CLPTM1: variants seen among roughly 807,000 people sequenced by gnomAD.
The protein encoded by CLPTM1 is putative lipid scramblase CLPTM1.
Under a neutral mutation model 77.3 loss-of-function variants are expected in CLPTM1, and 21 were observed. The observed-to-expected ratio is 0.27, with a 90% CI of 0.19 to 0.39. CLPTM1 has a LOEUF of 0.39. Ranked by LOEUF, CLPTM1 falls within the 10% of genes least tolerant of loss-of-function variation. CLPTM1 has a pLI of 1.00. For synonymous variants in CLPTM1, 373 were observed against 381.0 expected (o/e 0.98, Z 0.24); for missense variants, 642 against 921.2 (o/e 0.70, Z 3.92).
chr19:44,969,259 CTGT>C (rs1000419917), intron 2 of CLPTM1, among the ~76,000 whole-genome samples: 31 of 152,284 alleles, frequency 2.0e-4, no homozygotes, highest in African/African-American at 7.2e-4. Context: ...AGAGTAGGCA[CTGT>C]TATTATCCCC....
rs1970747322 is a variant in CLPTM1, at chr19:44,973,111, C to T, written c.210C>T (p.Ser70=). The change falls in exon 3 of 14, where the codon AGC becomes AGT. Residue 70 remains serine, a synonymous_variant. Coordinates refer to ENST00000337392, the MANE Select transcript of CLPTM1 (RefSeq NM_001294.4). ...GGATCTTCATCATCTGGGCCATCAG[C>T]AGTTGGTTCCGCCGAGGGCCGGCCC... ...LFRIFIIWAI[S]SWFRRGPAPQ... is the part of the protein sequence containing the mutation. 6.2e-7 allele frequency: 1 copy of T among 1,613,856 alleles called. No individual in the cohort carries two copies. The highest frequency in any genetic ancestry group is 1.7e-5 in the Admixed American group (1 of 59,998).
rs776754271 is a variant in CLPTM1, at chr19:44,990,881, TC to T, written c.1360del (p.Arg454AlafsTer63). ...LDREHRVAGI[F>X]PRLSFKDKST... ...CGAGAGCACAGGGTGGCAGGAATCT[TC>T]CCCCGCCTATCCTTCAAGGACAAGT... On this transcript the variant is annotated frameshift_variant, in exon 11 of 14. Coordinates refer to ENST00000337392, the MANE Select transcript of CLPTM1 (RefSeq NM_001294.4). LOFTEE classifies it high-confidence loss of function. This position sits in a 1 kb window ranked among gnomAD's most constrained non-coding sequence, Gnocchi z 4.8. The T allele has an allele frequency of 6.2e-7, 1 of 1,613,746 alleles. No homozygotes were observed.
intron 4 of CLPTM1, among the ~76,000 whole-genome samples, chr19:44,976,802 A>G (rs1600030464): frequency 6.6e-6 from 1 of 152,140 alleles, no homozygotes; most frequent in East Asian, 1.9e-4. Flanking sequence ...GCCACACACT[A>G]TGTGACCCCT....
chr19:44,990,352 C>T lies in CLPTM1; in HGVS notation c.1133-43C>T, dbSNP rs1235135297. Reference sequence around the variant, plus strand: ...TGAGGGAGCTGCAGTAGGGTCTCAGCACCTCCTCAGCCTCCTGGTTCCCCC... The same window carrying T: ...TGAGGGAGCTGCAGTAGGGTCTCAGTACCTCCTCAGCCTCCTGGTTCCCCC... On this transcript the variant is annotated intron_variant, in intron 9 of 13. Coordinates refer to ENST00000337392, the MANE Select transcript of CLPTM1 (RefSeq NM_001294.4). This position sits in a 1 kb window ranked among gnomAD's most constrained non-coding sequence, Gnocchi z 4.8. The T allele has an allele frequency of 1.3e-6, 2 of 1,596,120 alleles. No individual in the cohort carries two copies. Among genetic ancestry groups the T allele is most frequent in the East Asian group, 2.2e-5 (1 of 44,682 alleles).
rs1251123028 is a variant in CLPTM1, at chr19:44,956,819, A to T, written c.72+1352A>T. On this transcript the variant is annotated intron_variant, in intron 1 of 13. Transcript: ENST00000337392. ...CTCTGCTTAAAAACAATCAAGAGTT[A>T]CCCCTTTGCCTTTAGGACAAAGTAC... Among the ~76,000 whole-genome samples the T allele has an allele frequency of 2.6e-5, 4 of 152,282 alleles. No individual in the cohort carries two copies. The East Asian group carries it at 7.7e-4, about 29-fold the overall frequency.
At chr19:44,987,456 G>C in intron 8 of CLPTM1, 33 bp downstream of exon 8, 1 of 1,607,608 alleles carries the variant, frequency 6.2e-7, no homozygotes, top group South Asian at 1.1e-5. Context: ...GGACTTCCCG[G>C]TGCCTTCCTG....
chr19:44,985,379 G>A (rs1970961725), intron 6 of CLPTM1, 76 bp downstream of exon 6: 2 of 998,578 alleles, frequency 2.0e-6, no homozygotes, highest in Non-Finnish European at 3.1e-6. Context: ...CACTGGGGCT[G>A]TCATCTGTCA....
At chr19:44,961,732 C>T (rs940018936) in intron 1 of CLPTM1, among the ~76,000 whole-genome samples, 2 of 152,164 alleles carry the variant, frequency 1.3e-5, no homozygotes, top group African/African-American at 2.4e-5. Flanking sequence ...AGGAGGACAG[C>T]AAAAGACTCT....
Position 44,992,414 on chromosome 19 carries a change from G to A in CLPTM1, c.1723+14G>A, listed in dbSNP as rs1971089575. 2 of 1,613,768 alleles carry A rather than the reference G, an allele frequency of 1.2e-6. No homozygotes were observed. The highest frequency in any genetic ancestry group is 1.7e-6 in the Non-Finnish European group (2 of 1,179,906). On this transcript the variant is annotated intron_variant, in intron 13 of 13. Transcript: ENST00000337392. This position sits in a 1 kb window ranked among gnomAD's most constrained non-coding sequence, Gnocchi z 7.7. The stretch of plus-strand genomic sequence containing the variant: ...GCCTGCGGGACGGTGAGGCCCGGTG[G>A]GCAGGTGGGAGCTCCCACCGGAACA...
At chr19:44,961,476 G>T (rs935839231) in intron 1 of CLPTM1, among the ~76,000 whole-genome samples, 23 of 152,302 alleles carry the variant, frequency 1.5e-4, no homozygotes, top group Admixed American at 1.4e-3. Flanking sequence ...GGGAACAGTG[G>T]ACAGTCATCA....
At position 44,973,761 on chromosome 19, in the gene CLPTM1, G is replaced by GTTTTTTTTTT. The variant is rs71173113; in HGVS notation, c.309+562_309+571dup. 2.2e-4 allele frequency among the ~76,000 whole-genome samples: 14 copies of GTTTTTTTTTT among 62,444 alleles called. 2 individuals are homozygous for GTTTTTTTTTT. Among genetic ancestry groups the GTTTTTTTTTT allele is most frequent in the Non-Finnish European group, 2.4e-4 (6 of 25,388 alleles). The allele number at this position is 62,444 out of a possible 152,430, so 41.0% of individuals were successfully genotyped here. On this transcript the variant is annotated intron_variant, in intron 3 of 13. Transcript: ENST00000337392. ...GGAAGTTCTTGTTGGGTCACAGTGG[G>GTTTTTTTTTT]TTTTTTTTTTTTTTTTTTTTGAGAT...
chr19:44,976,596 A>G (rs1483161207), intron 4 of CLPTM1, among the ~76,000 whole-genome samples: 1 of 152,180 alleles, frequency 6.6e-6, no homozygotes, highest in African/African-American at 2.4e-5. Context: ...GTCTCCACCC[A>G]GTGCCCCTGG....
In CLPTM1 at chr19:44,990,616, G is replaced by A. The variant is rs777201157; in HGVS notation, c.1323+31G>A. 4 of 1,607,796 alleles carry A rather than the reference G, an allele frequency of 2.5e-6. No individual in the cohort carries two copies. The highest frequency in any genetic ancestry group is 2.6e-6 in the Non-Finnish European group (3 of 1,176,036). ...GCTGGGGCGCCATGCTGTCTCGGGA[G>A]CTGCAGGGGTTGGGAGGGGGTAGTG... is the stretch of plus-strand genomic sequence containing the variant. On this transcript the variant is annotated intron_variant, in intron 10 of 13. Transcript: ENST00000337392. The surrounding 1 kb of genome is among the most constrained non-coding windows in gnomAD (Gnocchi z 4.8).
chr19:44,970,400 A>ATTT (rs34309230), intron 2 of CLPTM1, among the ~76,000 whole-genome samples: 6 of 120,016 alleles, frequency 5.0e-5, no homozygotes, highest in Non-Finnish European at 6.7e-5. Flanking sequence ...CTGGGCTAGC[A>ATTT]TTTTTTTTTT....
At chr19:44,989,053 T>C (rs204465) in intron 9 of CLPTM1, among the ~76,000 whole-genome samples, 139,050 of 152,172 alleles carry the variant, frequency 0.91, 63,819 homozygotes, top group Non-Finnish European at 0.96. Flanking sequence ...CATGGCAGCG[T>C]GTGCCTATGG....
At chr19:44,960,086 TGAG>T (rs779316811) in intron 1 of CLPTM1, among the ~76,000 whole-genome samples, 26 of 152,180 alleles carry the variant, frequency 1.7e-4, no homozygotes, top group Non-Finnish European at 3.4e-4. Flanking sequence ...AGGCTGGCCT[TGAG>T]GAGGGGGCCT....
chr19:44,958,355 C>CT (rs1200133631), intron 1 of CLPTM1, among the ~76,000 whole-genome samples: 1 of 150,060 alleles, frequency 6.7e-6, no homozygotes, highest in Non-Finnish European at 1.5e-5. Context: ...GGCCTTTACT[C>CT]TGAGGGAAAT....
At chr19:44,965,295 C>A (rs929530644) in intron 2 of CLPTM1, among the ~76,000 whole-genome samples, 1 of 151,330 alleles carries the variant, frequency 6.6e-6, no homozygotes, top group Non-Finnish European at 1.5e-5. Flanking sequence ...GTCAAGAGAT[C>A]GAGACCATCC....
chr19:44,979,050 G>A (rs913771056), intron 5 of CLPTM1, among the ~76,000 whole-genome samples: 8 of 149,024 alleles, frequency 5.4e-5, no homozygotes, highest in Admixed American at 2.7e-4. Context: ...GACTATCTCA[G>A]CTCACCACAA....
Sources: allele counts gnomAD v4.1 joint callset (sites outside exome capture counted in the v4.1 genomes callset), GRCh38; gene constraint gnomAD v4.1.1; non-coding constraint Gnocchi (gnomAD v3.1); transcripts MANE v1.5; gene names NCBI Gene and HGNC (gene_info 2026-07-23, HGNC 2026-07-21).